Variants in DIAPH3 observed in about 807,000 individuals in gnomAD.
DIAPH3 encodes diaphanous related formin 3, also known as protein diaphanous homolog 3.
A neutral mutation model predicts 144.3 loss-of-function variants in DIAPH3; 117 were observed. That is an observed-to-expected ratio of 0.81 (90% CI 0.70 to 0.95). The LOEUF is 0.95. Among genes scored for constraint, DIAPH3 ranks in the 40% least tolerant of loss-of-function variants. The pLI, the probability that DIAPH3 is intolerant of heterozygous loss-of-function variation, is 0.00. For missense variants in DIAPH3, 1,421 were observed against 1,412.7 expected (o/e 1.01, Z -0.09); for synonymous variants, 519 against 488.9 (o/e 1.06, Z -0.81).
At chr13:59,863,801 T>C (rs916288160) in intron 21 of DIAPH3, among the ~76,000 whole-genome samples, 8 of 152,148 alleles carry the variant, frequency 5.3e-5, no homozygotes, top group African/African-American at 1.9e-4. Flanking sequence ...TACAAGAGGA[T>C]GCCTCAAAAA....
At chr13:60,033,671 G>A (rs989593625) in intron 5 of DIAPH3, among the ~76,000 whole-genome samples, 7 of 152,220 alleles carry the variant, frequency 4.6e-5, no homozygotes, top group Middle Eastern at 3.4e-3. Flanking sequence ...TGAGCCTAAC[G>A]CCTCCCACCA....
intron 21 of DIAPH3, among the ~76,000 whole-genome samples, chr13:59,861,975 T>C (rs1004405469): frequency 6.6e-6 from 1 of 152,212 alleles, no homozygotes; most frequent in Admixed American, 6.5e-5. Flanking sequence ...TTAAAAAATA[T>C]ACGTATTTGC....
chr13:59,886,752 A>G (rs1199932717), intron 20 of DIAPH3, among the ~76,000 whole-genome samples: 1 of 151,970 alleles, frequency 6.6e-6, no homozygotes. Flanking sequence ...TTACATTTAA[A>G]TTTTTGCTGT....
chr13:59,947,059 G>C (rs966184133), intron 17 of DIAPH3, among the ~76,000 whole-genome samples: 1 of 152,192 alleles, frequency 6.6e-6, no homozygotes, highest in African/African-American at 2.4e-5. Context: ...TCATAGGAAA[G>C]AATGCAGAGG....
intron 25 of DIAPH3, among the ~76,000 whole-genome samples, chr13:59,799,103 G>A (rs1389111250): frequency 6.6e-6 from 1 of 152,090 alleles, no homozygotes; most frequent in Non-Finnish European, 1.5e-5. Context: ...AGGAAGCCAA[G>A]GAGGGAACTA....
intron 20 of DIAPH3, among the ~76,000 whole-genome samples, chr13:59,906,214 G>GA (rs1442075362): frequency 3.3e-5 from 5 of 151,968 alleles, no homozygotes; most frequent in Admixed American, 2.6e-4. Flanking sequence ...TGATTAAAAG[G>GA]AAAAATCATA....
rs182386960 is a variant in DIAPH3, at chr13:60,120,370, T to G, written c.214-8184A>C. ...AACCACCCAGGAACAATTCCTACCA[T>G]CCGATCAACTGCATTCTGACTTCGA... On this transcript the variant is annotated intron_variant, in intron 2 of 27. Transcript: ENST00000400324. Among the ~76,000 whole-genome samples, 69 of 152,290 alleles carry G rather than the reference T, an allele frequency of 4.5e-4. 1 individual carries two copies. The highest frequency in any genetic ancestry group is 1.6e-3 in the African/African-American group (66 of 41,568).
chr13:59,832,719 G>GA (rs1184674093), intron 24 of DIAPH3, among the ~76,000 whole-genome samples: 2 of 151,488 alleles, frequency 1.3e-5, no homozygotes, highest in African/African-American at 4.8e-5. Context: ...ATGCATTAAG[G>GA]AAAAAAAGCC....
At chr13:60,048,355 C>A (rs370169016) in intron 4 of DIAPH3, among the ~76,000 whole-genome samples, 2 of 152,178 alleles carry the variant, frequency 1.3e-5, no homozygotes, top group African/African-American at 4.8e-5. Context: ...ATAAAGAACT[C>A]CTATAACTCA....
rs372616462 is a variant in DIAPH3, at chr13:60,154,815, T to C, written c.180+8772A>G. 7.2e-5 allele frequency among the ~76,000 whole-genome samples: 11 copies of C among 152,320 alleles called. No homozygotes were observed. In the South Asian group the frequency reaches 2.3e-3, roughly 32 times the overall value. On this transcript the variant is annotated intron_variant, in intron 1 of 27. Coordinates refer to ENST00000400324, the MANE Select transcript of DIAPH3 (RefSeq NM_001042517.2). ...CTAAAAGTCAAATTAGTTTCTGAGATAAACAAGCAAGAGTGTAAGGATAAG... is the reference window on the plus strand; with the variant it reads ...CTAAAAGTCAAATTAGTTTCTGAGACAAACAAGCAAGAGTGTAAGGATAAG...
chr13:59,713,337 C>A (rs878873199), intron 27 of DIAPH3, among the ~76,000 whole-genome samples: 1 of 151,864 alleles, frequency 6.6e-6, no homozygotes, highest in Admixed American at 6.6e-5. Context: ...GGACTAAAAG[C>A]ATGTGCTGCC....
At chr13:59,730,562 T>C (rs1461608028) in intron 27 of DIAPH3, among the ~76,000 whole-genome samples, 2 of 152,108 alleles carry the variant, frequency 1.3e-5, no homozygotes, top group Non-Finnish European at 2.9e-5. Context: ...TCCAAGGAAA[T>C]AACTTAAAAA....
intron 9 of DIAPH3, 149 bp downstream of exon 9, chr13:60,008,395 C>CAAATAAAT: frequency 1.6e-6 from 1 of 606,584 alleles, no homozygotes; most frequent in Non-Finnish European, 2.9e-6. Flanking sequence ...GACTCCGTCT[C>CAAATAAAT]AAATAAATAA....
rs547855396 is a variant in DIAPH3, at chr13:59,869,112, G to T, written c.2608-7576C>A. On this transcript the variant is annotated intron_variant, in intron 21 of 27. Coordinates refer to ENST00000400324, the MANE Select transcript of DIAPH3 (RefSeq NM_001042517.2). ...GTGATTACTGGATGGTTTGTTCTAC[G>T]TGTAGCTTTGTAATTGCCAGTTATC... 4.4e-3 allele frequency among the ~76,000 whole-genome samples: 663 copies of T among 152,252 alleles called. 3 individuals are homozygous for T. The highest frequency in any genetic ancestry group is 7.2e-3 in the Non-Finnish European group (491 of 67,996).
intron 14 of DIAPH3, among the ~76,000 whole-genome samples, chr13:59,980,281 AG>A (rs934688418): frequency 6.6e-6 from 1 of 151,606 alleles, no homozygotes; most frequent in Admixed American, 6.6e-5. Flanking sequence ...CAAAACTAAA[AG>A]CAAGTTAACT....
chr13:59,839,465 T>G lies in DIAPH3; in HGVS notation c.2738-17A>C, dbSNP rs763716787. ...CTACAGAGACTAAAAGAGAGTATAT[T>G]AAATGCCCGGAAAGGACAAAATTAT... On this transcript the variant is annotated splice_polypyrimidine_tract_variant and intron_variant, in intron 22 of 27. Transcript: ENST00000400324. 1 of 1,611,148 alleles carries G rather than the reference T, an allele frequency of 6.2e-7. No homozygotes were observed. Among genetic ancestry groups the G allele is most frequent in the African/African-American group, 1.3e-5 (1 of 74,812 alleles).
intron 27 of DIAPH3, among the ~76,000 whole-genome samples, chr13:59,707,761 A>G (rs1442134713): frequency 6.6e-6 from 1 of 152,108 alleles, no homozygotes; most frequent in African/African-American, 2.4e-5. Context: ...ACATCTTTCC[A>G]CCTACATCAC....
chr13:59,975,121 C>A (rs929148638), intron 14 of DIAPH3, among the ~76,000 whole-genome samples: 3 of 151,816 alleles, frequency 2.0e-5, no homozygotes, highest in Admixed American at 2.0e-4. Flanking sequence ...ATCTTGCATT[C>A]AAACACATTC....
chr13:60,043,803 C>T (rs2818951), intron 4 of DIAPH3, among the ~76,000 whole-genome samples: 84,414 of 151,940 alleles, frequency 0.56, 23,998 homozygotes, highest in Admixed American at 0.61. Flanking sequence ...ACAGGCAATA[C>T]ATAAAATAAC....
Sources: gnomAD v4.1 joint callset for allele counts (sites outside exome capture counted in the v4.1 genomes callset) on GRCh38, gnomAD v4.1.1 for gene constraint, MANE v1.5 for transcripts, NCBI Gene and HGNC (gene_info 2026-07-23, HGNC 2026-07-21) for gene names.